ZNF787: variants seen among roughly 807,000 people sequenced by gnomAD.
ZNF787 encodes TTF-I-interacting peptide 20.
Under a neutral mutation model 16.9 loss-of-function variants are expected in ZNF787, and 7 were observed. The ratio of observed to expected loss-of-function variants is 0.42; its 90% CI spans 0.24 to 0.78. The LOEUF (loss-of-function observed/expected upper bound fraction) is 0.78, where lower values mean the gene tolerates loss of function less well. Among genes scored for constraint, ZNF787 ranks in the 30% least tolerant of loss-of-function variants. The probability of loss-of-function intolerance (pLI) is 0.30; values close to 1 mark genes in which losing one functional copy is unlikely to be tolerated. For missense variants in ZNF787, 551 were observed against 589.3 expected, an observed-to-expected ratio of 0.94 and a Z score of 0.67; for synonymous variants, 345 against 270.9, an observed-to-expected ratio of 1.27 and a Z score of -2.69.
chr19:56,115,335 C>T (rs1396575868), intron 1 of ZNF787, among the ~76,000 whole-genome samples: 1 of 146,636 alleles, frequency 6.8e-6, no homozygotes, highest in African/African-American at 2.5e-5. Flanking sequence ...AGGCCGGCCG[C>T]GGCACGTTGA....
Position 56,088,777 on chromosome 19 carries a change from C to T in ZNF787, c.395G>A (p.Ser132Asn). 3.1e-6 allele frequency: 5 copies of T among 1,611,162 alleles called. No homozygotes were observed. The highest frequency in any genetic ancestry group is 4.2e-6 in the Non-Finnish European group (5 of 1,178,990). ...GTGCTGCATGAGGTTGGAGCTCCAG[C>T]TGAAGCGCTTGCCGCACTCCAAGCA... ...YACLECGKRF[S>N]WSSNLMQHQR... Residue 132 changes from serine to asparagine, a missense_variant, in exon 3 of 3, where the codon AGC (serine) becomes AAC (asparagine). Physicochemically the swap from Ser to Asn is conservative, Grantham distance 46. Coordinates refer to ENST00000610935, the MANE Select transcript of ZNF787 (RefSeq NM_001002836.4). This position sits in a 1 kb window ranked among gnomAD's most constrained non-coding sequence, Gnocchi z 8.6.
At chr19:56,109,796 A>C (rs1179064233) in intron 1 of ZNF787, among the ~76,000 whole-genome samples, 1 of 152,166 alleles carries the variant, frequency 6.6e-6, no homozygotes. Context: ...AGGCAGGAGA[A>C]TGGCGTGAAC....
chr19:56,109,776 C>A (rs985466128), intron 1 of ZNF787, among the ~76,000 whole-genome samples: 1 of 151,894 alleles, frequency 6.6e-6, no homozygotes, highest in African/African-American at 2.4e-5. Flanking sequence ...CCCAGCTACT[C>A]GGGAGGCTGA....
At chr19:56,112,905 G>A (rs927430165) in intron 1 of ZNF787, among the ~76,000 whole-genome samples, 2 of 107,928 alleles carry the variant, frequency 1.9e-5, no homozygotes, top group Non-Finnish European at 3.7e-5. Flanking sequence ...CTCCAGCACG[G>A]AGGGCTCTGG....
chr19:56,096,826 C>T (rs1906299178), intron 2 of ZNF787, among the ~76,000 whole-genome samples: 1 of 152,220 alleles, frequency 6.6e-6, no homozygotes, highest in African/African-American at 2.4e-5. Context: ...AGCTGTAAGA[C>T]ACCGGCTGAA....
intron 1 of ZNF787, among the ~76,000 whole-genome samples, chr19:56,116,428 T>A (rs992126294): frequency 4.6e-5 from 7 of 151,592 alleles, no homozygotes; most frequent in Non-Finnish European, 2.9e-5. Context: ...GGCGACGGAG[T>A]GAGATTCTGT....
chr19:56,109,457 T>C (rs1454542910), intron 1 of ZNF787, among the ~76,000 whole-genome samples: 2 of 152,324 alleles, frequency 1.3e-5, no homozygotes, highest in South Asian at 4.1e-4. Flanking sequence ...GAGAGACAGC[T>C]GCACACACCA....
At position 56,088,996 on chromosome 19, in the gene ZNF787, C is replaced by A; in HGVS notation, c.176G>T (p.Arg59Leu). ...QSAPPAGPPP[R>L]PRPPAPYICN... ...GATGTAGGGGGCGGGCGGCCGCGGC[C>A]GGGGAGGCGGGCCGGCTGGGGGCGC... The change falls in exon 3 of 3, where the codon CGG (arginine) becomes CTG (leucine). Residue 59 changes from arginine (R) to leucine (L), a missense_variant. By Grantham distance (102) the Arg-to-Leu change is moderately radical. Coordinates refer to ENST00000610935, the MANE Select transcript of ZNF787 (RefSeq NM_001002836.4). The surrounding 1 kb of genome is among the most constrained non-coding windows in gnomAD (Gnocchi z 8.6). The A allele has an allele frequency of 6.9e-7, 1 of 1,452,754 alleles. No homozygotes were observed. Among genetic ancestry groups the A allele is most frequent in the Non-Finnish European group, 9.1e-7 (1 of 1,101,526 alleles). 90.0% of individuals were successfully genotyped at this position (1,452,754 alleles called of 1,614,324 possible).
At chr19:56,117,777 G>A (rs994280640) in intron 1 of ZNF787, among the ~76,000 whole-genome samples, 2 of 152,236 alleles carry the variant, frequency 1.3e-5, no homozygotes, top group Non-Finnish European at 2.9e-5. Context: ...ACTTGAGGGC[G>A]GGGCTATTTC....
In ZNF787 at chr19:56,089,044, G is replaced by A. The variant is rs766092901; in HGVS notation, c.128C>T (p.Thr43Ile). ...CGCAGACTGGGGCGGGGACAGCTTG[G>A]TGGGAGGCCAGCTGGGGACGTCGTC... Reference protein sequence around the residue: ...DDDDVPSWPPTKLSPPQSAPP... With the variant: ...DDDDVPSWPPIKLSPPQSAPP... Residue 43 changes from threonine to isoleucine, a missense_variant, in exon 3 of 3, where the codon ACC (threonine) becomes ATC (isoleucine). This residue lies in a region of ZNF787 where 80 missense variants were observed against 105.9 expected (regional missense o/e 0.76). Coordinates refer to ENST00000610935, the MANE Select transcript of ZNF787 (RefSeq NM_001002836.4). The A allele has an allele frequency of 1.6e-5, 24 of 1,467,952 alleles. No individual in the cohort carries two copies. Among genetic ancestry groups the A allele is most frequent in the Non-Finnish European group, 2.2e-5 (24 of 1,112,410 alleles). The allele number at this position is 1,467,952 out of a possible 1,614,324, so 90.9% of individuals were successfully genotyped here.
chr19:56,106,028 C>G (rs999745040), intron 1 of ZNF787, among the ~76,000 whole-genome samples: 3 of 146,566 alleles, frequency 2.0e-5, no homozygotes, highest in Non-Finnish European at 4.5e-5. Context: ...CGCATTCCCC[C>G]CTCCGCGCCC....
chr19:56,116,852 C>T (rs1346076347), intron 1 of ZNF787, among the ~76,000 whole-genome samples: 2 of 152,206 alleles, frequency 1.3e-5, no homozygotes, highest in Non-Finnish European at 2.9e-5. Flanking sequence ...AGACTGCTCC[C>T]TTCCCTCAGC....
chr19:56,106,654 T>C (rs1039954392), intron 1 of ZNF787, among the ~76,000 whole-genome samples: 2 of 151,592 alleles, frequency 1.3e-5, no homozygotes, highest in African/African-American at 4.9e-5. Context: ...CCCACCTCGT[T>C]CCCCAACAAC....
intron 2 of ZNF787, among the ~76,000 whole-genome samples, chr19:56,091,665 G>C (rs7250351): frequency 6.6e-6 from 1 of 152,110 alleles, no homozygotes; most frequent in African/African-American, 2.4e-5. Flanking sequence ...CTTCTCTACA[G>C]GCATCTCTGC....
Position 56,087,994 on chromosome 19 carries a change from C to CAGGGGG in ZNF787, c.*28_*29insCCCCCT. On this transcript the variant is annotated 3_prime_UTR_variant, in exon 3 of 3. Coordinates refer to ENST00000610935, the MANE Select transcript of ZNF787 (RefSeq NM_001002836.4). ...TCGCTCCCGCCAAGCCCGAGGGGCC[C>CAGGGGG]TGCCCGCCCCCCCCCCCGGGCCCCT... 1 of 1,248,940 alleles carries CAGGGGG rather than the reference C, an allele frequency of 8.0e-7. No individual in the cohort carries two copies. The highest frequency in any genetic ancestry group is 3.7e-5 in the East Asian group (1 of 26,834). 77.4% of individuals were successfully genotyped at this position (1,248,940 alleles called of 1,614,324 possible).
intron 2 of ZNF787, chr19:56,101,611 A>G (rs1986101043): frequency 6.6e-6 from 1 of 152,258 alleles, no homozygotes; most frequent in Non-Finnish European, 1.5e-5. Context: ...ACATTTTGTT[A>G]GATGAGATCA....
At chr19:56,091,263 C>T (rs1324323592) in intron 2 of ZNF787, among the ~76,000 whole-genome samples, 4 of 152,208 alleles carry the variant, frequency 2.6e-5, no homozygotes, top group African/African-American at 9.6e-5. Flanking sequence ...GCTTCTACGC[C>T]TTTAATTAAA....
chr19:56,093,856 GCT>G lies in ZNF787; in HGVS notation c.80-4766_80-4765del, dbSNP rs1001333197. Among the ~76,000 whole-genome samples, 6 of 152,192 alleles carry G rather than the reference GCT, an allele frequency of 3.9e-5. No individual in the cohort carries two copies. In the South Asian group the frequency reaches 6.2e-4, roughly 16 times the overall value. ...ATTCTAACGCAACCATCTGTGATTT[GCT>G]CTTTCAATGCGCAGCTTTCATGTGT... On this transcript the variant is annotated intron_variant, in intron 2 of 2. Coordinates refer to ENST00000610935, the MANE Select transcript of ZNF787 (RefSeq NM_001002836.4).
chr19:56,102,819 G>A, intron 2 of ZNF787: 1 of 685,204 alleles, frequency 1.5e-6, no homozygotes, highest in Non-Finnish European at 2.7e-6. Flanking sequence ...GGGCTGTGGG[G>A]AGAGGAAGGG....
Sources: allele counts gnomAD v4.1 joint callset (sites outside exome capture counted in the v4.1 genomes callset), GRCh38; gene constraint gnomAD v4.1.1; regional missense constraint gnomAD v4.1.1; non-coding constraint Gnocchi (gnomAD v3.1); transcripts MANE v1.5; gene names NCBI Gene and HGNC (gene_info 2026-07-23, HGNC 2026-07-21).